The following CDH20 variants were observed in gnomAD, a reference collection of about 807,000 sequenced individuals.
CDH20 encodes cadherin 20, also known as cadherin-20.
In CDH20, 29 loss-of-function variants were observed where a neutral mutation model predicts 74.2. That is an observed-to-expected ratio of 0.39 (90% CI 0.29 to 0.53). The LOEUF is 0.53. Among genes scored for constraint, CDH20 ranks in the 20% least tolerant of loss-of-function variants. The pLI is 0.69. For synonymous variants in CDH20, 469 were observed against 405.4 expected, an observed-to-expected ratio of 1.16 and a Z score of -1.88; for missense variants, 988 against 1,048.3, an observed-to-expected ratio of 0.94 and a Z score of 0.79.
rs992982978 is a variant in CDH20, at chr18:61,528,125, C to G, written c.1176C>G (p.Gly392=). The G allele has an allele frequency of 1.2e-6, 2 of 1,614,138 alleles. No individual in the cohort carries two copies. Among genetic ancestry groups the G allele is most frequent in the Non-Finnish European group, 1.7e-6 (2 of 1,180,016 alleles). ...DVDEPPVFEP[G]FYFVEVPEDV... Reference sequence around the variant, plus strand: ...ACGAGCCCCCTGTGTTTGAACCTGGCTTTTACTTTGTGGAGGTGCCTGAGG... The same window carrying G: ...ACGAGCCCCCTGTGTTTGAACCTGGGTTTTACTTTGTGGAGGTGCCTGAGG... The change falls in exon 7 of 12, where the codon GGC becomes GGG. Residue 392 remains glycine, a synonymous_variant. Transcript: ENST00000262717.
At chr18:61,546,307 T>C (rs1385375756) in intron 10 of CDH20, among the ~76,000 whole-genome samples, 1 of 152,256 alleles carries the variant, frequency 6.6e-6, no homozygotes, top group African/African-American at 2.4e-5. Context: ...ACATGACAGT[T>C]TTCTGCTGTA....
At chr18:61,362,688 A>G (rs1390264824) in intron 1 of CDH20, among the ~76,000 whole-genome samples, 1 of 152,114 alleles carries the variant, frequency 6.6e-6, no homozygotes, top group Non-Finnish European at 1.5e-5. Flanking sequence ...ACTATGTAGT[A>G]TGTACTTAGT....
intron 1 of CDH20, among the ~76,000 whole-genome samples, chr18:61,384,543 A>G (rs1417724711): frequency 6.6e-6 from 1 of 152,188 alleles, no homozygotes; most frequent in Non-Finnish European, 1.5e-5. Flanking sequence ...CTTTGTAGCC[A>G]AAAAGATTGG....
chr18:61,432,535 G>T (rs978860908), intron 1 of CDH20, among the ~76,000 whole-genome samples: 3 of 152,170 alleles, frequency 2.0e-5, no homozygotes, highest in African/African-American at 7.2e-5. Flanking sequence ...ATCCAGTTCA[G>T]TACTGCAATA....
At chr18:61,504,243 G>A (rs1466695759) in intron 5 of CDH20, among the ~76,000 whole-genome samples, 2 of 152,170 alleles carry the variant, frequency 1.3e-5, no homozygotes, top group African/African-American at 2.4e-5. Context: ...CAGGGGAGTC[G>A]GTTAGGAGGC....
chr18:61,343,466 C>T (rs1046992106), intron 1 of CDH20, among the ~76,000 whole-genome samples: 2 of 152,136 alleles, frequency 1.3e-5, no homozygotes, highest in South Asian at 2.1e-4. Flanking sequence ...TACCCAAGAC[C>T]GCTCTGCTGG....
chr18:61,541,931 A>G (rs1319678062), intron 9 of CDH20, among the ~76,000 whole-genome samples: 1 of 152,116 alleles, frequency 6.6e-6, no homozygotes, highest in Admixed American at 6.5e-5. Context: ...GAGAACAGAG[A>G]GCAGGAGAGC....
chr18:61,518,966 G>A (rs1242099879), intron 6 of CDH20, among the ~76,000 whole-genome samples: 4 of 151,228 alleles, frequency 2.6e-5, no homozygotes, highest in East Asian at 1.9e-4. Flanking sequence ...TGAGAACTTC[G>A]TTAAGCATAC....
intron 1 of CDH20, among the ~76,000 whole-genome samples, chr18:61,339,681 A>T (rs973584428): frequency 4.9e-4 from 43 of 88,422 alleles, no homozygotes; most frequent in Non-Finnish European, 8.5e-4. Flanking sequence ...GGTCATAGAA[A>T]TTTTTTTTTT....
intron 1 of CDH20, among the ~76,000 whole-genome samples, chr18:61,391,004 G>A (rs1400084486): frequency 6.6e-6 from 1 of 152,074 alleles, no homozygotes; most frequent in Non-Finnish European, 1.5e-5. Flanking sequence ...TATACATATG[G>A]TAAAAGCAGA....
At chr18:61,467,844 C>T (rs1322227986) in intron 1 of CDH20, among the ~76,000 whole-genome samples, 1 of 152,112 alleles carries the variant, frequency 6.6e-6, no homozygotes, top group Non-Finnish European at 1.5e-5. Flanking sequence ...CTGCCTGACC[C>T]CAAGGCTTAC....
chr18:61,392,776 A>C (rs1296390047), intron 1 of CDH20, among the ~76,000 whole-genome samples: 1 of 142,650 alleles, frequency 7.0e-6, no homozygotes, highest in African/African-American at 2.8e-5. Flanking sequence ...AGAACTTTTT[A>C]ATTACTATGG....
intron 1 of CDH20, among the ~76,000 whole-genome samples, chr18:61,472,891 G>A (rs1217704333): frequency 6.6e-6 from 1 of 152,194 alleles, no homozygotes; most frequent in Non-Finnish European, 1.5e-5. Context: ...AGACAAATCT[G>A]AAATCCCAGC....
At chr18:61,501,472 A>T (rs1911382574) in intron 4 of CDH20, among the ~76,000 whole-genome samples, 1 of 152,198 alleles carries the variant, frequency 6.6e-6, no homozygotes, top group South Asian at 2.1e-4. Context: ...CTTCCATTTT[A>T]TATGAGGGTA....
intron 1 of CDH20, among the ~76,000 whole-genome samples, chr18:61,339,343 T>C (rs1909859491): frequency 6.6e-6 from 1 of 150,580 alleles, no homozygotes; most frequent in Admixed American, 6.6e-5. Flanking sequence ...ATTCAAGGGG[T>C]ACATGTGCAA....
chr18:61,461,543 T>G (rs913753171), intron 1 of CDH20, among the ~76,000 whole-genome samples: 12 of 152,120 alleles, frequency 7.9e-5, no homozygotes, highest in African/African-American at 2.4e-4. Flanking sequence ...CCTCCTTCCC[T>G]GTGTGTCTGT....
Position 61,554,522 on chromosome 18 carries a change from C to T in CDH20, c.2233C>T (p.Leu745Phe), listed in dbSNP as rs752457335. The T allele has an allele frequency of 1.2e-6, 2 of 1,613,074 alleles. No individual in the cohort carries two copies. Among genetic ancestry groups the T allele is most frequent in the East Asian group, 2.2e-5 (1 of 44,858 alleles). Residue 745 changes from leucine (L) to phenylalanine (F), a missense_variant, in exon 12 of 12, where the codon CTC becomes TTC. Physicochemically the swap from Leu to Phe is conservative, Grantham distance 22. Transcript: ENST00000262717. ...CCTGTGGGCACCGCCCTTCGACTCC[C>T]TCCAGACGTATATGTTCGAGGGGGA... ...MDLWAPPFDS[L>F]QTYMFEGDGS...
At chr18:61,430,447 C>T (rs1211199114) in intron 1 of CDH20, among the ~76,000 whole-genome samples, 1 of 152,118 alleles carries the variant, frequency 6.6e-6, no homozygotes, top group Non-Finnish European at 1.5e-5. Flanking sequence ...CTTTCTGATA[C>T]AGTGTTGTCC....
At chr18:61,419,179 T>C (rs567777439) in intron 1 of CDH20, among the ~76,000 whole-genome samples, 1 of 152,198 alleles carries the variant, frequency 6.6e-6, no homozygotes, top group Admixed American at 6.5e-5. Flanking sequence ...TCCTCCTACC[T>C]CAGCCGCCCG....
Sources: allele counts gnomAD v4.1 joint callset (sites outside exome capture counted in the v4.1 genomes callset), GRCh38; gene constraint gnomAD v4.1.1; transcripts MANE v1.5; gene names NCBI Gene and HGNC (gene_info 2026-07-23, HGNC 2026-07-21).